PKD2: variants seen among roughly 807,000 people sequenced by gnomAD.
The protein encoded by PKD2 is polycystin 2, transient receptor potential cation channel.
A neutral mutation model predicts 105.9 loss-of-function variants in PKD2; 48 were observed. The observed-to-expected ratio is 0.45, with a 90% confidence interval of 0.36 to 0.58. The LOEUF is 0.58. PKD2 is among the 20% of genes least tolerant of loss of function. PKD2 has a pLI of 0.00. For missense variants in PKD2, 1,078 were observed against 1,255.3 expected (o/e 0.86, Z 2.13); for synonymous variants, 464 against 481.1 (o/e 0.96, Z 0.46).
intron 12 of PKD2, among the ~76,000 whole-genome samples, chr4:88,066,762 T>C (rs1720811958): frequency 6.6e-6 from 1 of 151,426 alleles, no homozygotes; most frequent in Non-Finnish European, 1.5e-5. Context: ...AAAAAAAAAT[T>C]CAAAGCTTTA....
chr4:88,024,302 CA>C (rs1437100097), intron 2 of PKD2, among the ~76,000 whole-genome samples: 1 of 151,202 alleles, frequency 6.6e-6, no homozygotes, highest in Non-Finnish European at 1.5e-5. Context: ...ACAAGATATA[CA>C]AAAATTAGCC....
Position 88,007,967 on chromosome 4 carries a change from G to T in PKD2, c.234G>T (p.Pro78=). 6.7e-7 allele frequency: 1 copy of T among 1,498,684 alleles called. No individual in the cohort carries two copies. Among genetic ancestry groups the T allele is most frequent in the Admixed American group, 2.1e-5 (1 of 47,544 alleles). The allele number at this position is 1,498,684 out of a possible 1,614,324, so 92.8% of individuals were successfully genotyped here. The change falls in exon 1 of 15, where the codon CCG becomes CCT. Residue 78 remains proline (P), a synonymous_variant. Coordinates refer to ENST00000237596, the MANE Select transcript of PKD2 (RefSeq NM_000297.4). ...PAGAAASPSP[P]LSSCSRQAWS... is the part of the protein sequence containing the mutation. Reference sequence around the variant, plus strand: ...GAGCCGCGGCCTCCCCTTCTCCTCCGCTCTCGTCGTGCTCCCGGCAGGCGT... The same window carrying T: ...GAGCCGCGGCCTCCCCTTCTCCTCCTCTCTCGTCGTGCTCCCGGCAGGCGT...
At chr4:88,028,789 T>C (rs1411226072) in intron 2 of PKD2, among the ~76,000 whole-genome samples, 1 of 152,170 alleles carries the variant, frequency 6.6e-6, no homozygotes, top group Non-Finnish European at 1.5e-5. Context: ...CTTATCACTT[T>C]TGCACCATTT....
In PKD2 at chr4:88,028,030, T is replaced by C. The variant is rs181954784; in HGVS notation, c.710-8190T>C. Among the ~76,000 whole-genome samples, 25 of 152,288 alleles carry C rather than the reference T, an allele frequency of 1.6e-4. No individual in the cohort carries two copies. In the East Asian group the frequency reaches 4.0e-3, roughly 25 times the overall value. On this transcript the variant is annotated intron_variant, in intron 2 of 14. Coordinates refer to ENST00000237596, the MANE Select transcript of PKD2 (RefSeq NM_000297.4). Reference sequence around the variant, plus strand: ...GACTACTACAGAAAGTGTGTAACTTTAAACTCAGTAGTATCCAAAGAAGTA... The same window carrying C: ...GACTACTACAGAAAGTGTGTAACTTCAAACTCAGTAGTATCCAAAGAAGTA...
At position 88,038,404 on chromosome 4, in the gene PKD2, A is replaced by G. The variant is rs753075558; in HGVS notation, c.997A>G (p.Ile333Val). 5.0e-6 allele frequency: 8 copies of G among 1,613,714 alleles called. No individual in the cohort carries two copies. Among genetic ancestry groups the G allele is most frequent in the Non-Finnish European group, 6.8e-6 (8 of 1,179,754 alleles). ...CCGAGTCAGAAATGGATCCTGCTCT[A>G]TCCCCCAGGACTTGAGAGATGAAAT... is the stretch of plus-strand genomic sequence containing the variant. ...QLRVRNGSCS[I>V]PQDLRDEIKE... The change falls in exon 4 of 15, where the codon ATC becomes GTC. Residue 333 changes from isoleucine (I) to valine (V), a missense_variant. Physicochemically the swap from Ile to Val is conservative, Grantham distance 29 (BLOSUM62 3). Coordinates refer to ENST00000237596, the MANE Select transcript of PKD2 (RefSeq NM_000297.4).
intron 10 of PKD2, among the ~76,000 whole-genome samples, chr4:88,065,021 T>G (rs900444094): frequency 6.6e-6 from 1 of 152,196 alleles, no homozygotes; most frequent in Admixed American, 6.5e-5. Flanking sequence ...AATTCATGAT[T>G]CGGGTTTCTT....
chr4:88,067,117 G>A (rs1720822731), intron 12 of PKD2, among the ~76,000 whole-genome samples: 1 of 152,158 alleles, frequency 6.6e-6, no homozygotes, highest in Non-Finnish European at 1.5e-5. Context: ...AAATATGTGA[G>A]TCTGAAATGC....
At chr4:88,074,592 A>T (rs1237750466) in intron 13 of PKD2, among the ~76,000 whole-genome samples, 2 of 152,262 alleles carry the variant, frequency 1.3e-5, no homozygotes, top group African/African-American at 4.8e-5. Context: ...TACATTCTTA[A>T]GACTTCTGAT....
At chr4:88,033,262 A>G (rs1420387490) in intron 2 of PKD2, among the ~76,000 whole-genome samples, 3 of 152,066 alleles carry the variant, frequency 2.0e-5, no homozygotes, top group Non-Finnish European at 4.4e-5. Flanking sequence ...CCCCGTCTCT[A>G]CAAAAAATTT....
At chr4:88,063,531 CAAAA>C (rs202112108) in intron 10 of PKD2, among the ~76,000 whole-genome samples, 9 of 98,112 alleles carry the variant, frequency 9.2e-5, no homozygotes, top group Non-Finnish European at 1.9e-4. Context: ...AACTCCGTCT[CAAAA>C]AAAAAAAAGA....
intron 2 of PKD2, among the ~76,000 whole-genome samples, chr4:88,033,263 C>G (rs1216694063): frequency 6.6e-6 from 1 of 151,914 alleles, no homozygotes; most frequent in African/African-American, 2.4e-5. Flanking sequence ...CCCGTCTCTA[C>G]AAAAAATTTG....
In PKD2 at chr4:88,049,689, GT is replaced by G. The variant is rs1360008708; in HGVS notation, c.1549-2298del. Among the ~76,000 whole-genome samples the G allele has an allele frequency of 2.6e-5, 4 of 152,112 alleles. No homozygotes were observed. The East Asian group carries it at 7.7e-4, about 29-fold the overall frequency. On this transcript the variant is annotated intron_variant, in intron 6 of 14. Coordinates refer to ENST00000237596, the MANE Select transcript of PKD2 (RefSeq NM_000297.4). ...CCAGTGGAAAGACCCAACGCTTTTT[GT>G]TTTATCTAGCCAAAATTTGCTTATG...
Position 88,075,702 on chromosome 4 carries a change from G to T in PKD2, c.*8G>T. The T allele has an allele frequency of 6.3e-7, 1 of 1,577,914 alleles. No individual in the cohort carries two copies. The highest frequency in any genetic ancestry group is 8.7e-7 in the Non-Finnish European group (1 of 1,148,068). ...TCTAATGTCCACGTATGATATGTGT[G>T]TTTCAGTATGTGTGTTTCTAATAAG... On this transcript the variant is annotated 3_prime_UTR_variant, in exon 15 of 15. Coordinates refer to ENST00000237596, the MANE Select transcript of PKD2 (RefSeq NM_000297.4).
At chr4:88,070,593 T>TAGAGAGAGAG (rs1231949190) in intron 13 of PKD2, among the ~76,000 whole-genome samples, 5 of 108,480 alleles carry the variant, frequency 4.6e-5, no homozygotes, top group African/African-American at 1.8e-4. Context: ...TATATATATA[T>TAGAGAGAGAG]ATATATATAG....
chr4:88,050,628 T>C (rs961805690), intron 6 of PKD2, among the ~76,000 whole-genome samples: 11 of 152,168 alleles, frequency 7.2e-5, no homozygotes, highest in African/African-American at 2.2e-4. Context: ...ATTATACCTA[T>C]TGAGAGTTGG....
chr4:88,064,838 G>C (rs1010048902), intron 10 of PKD2, among the ~76,000 whole-genome samples: 11 of 152,112 alleles, frequency 7.2e-5, no homozygotes, highest in Admixed American at 1.3e-4. Flanking sequence ...GCTGCAGTGA[G>C]CCAGAATCAC....
intron 13 of PKD2, among the ~76,000 whole-genome samples, chr4:88,071,424 A>C (rs537832221): frequency 3.3e-5 from 5 of 150,882 alleles, no homozygotes; most frequent in African/African-American, 1.2e-4. Context: ...ATATATTTAT[A>C]ATAGGTACCT....
rs1340523813 is a variant in PKD2, at chr4:88,077,420, A to C, written c.*1726A>C. ...ATTTATGTATATGTACCATGTTGTT[A>C]CATGTAAACAAACTTCAATTTGAAG... On this transcript the variant is annotated 3_prime_UTR_variant, in exon 15 of 15. Transcript: ENST00000237596. The C allele has an allele frequency of 6.6e-6, 1 of 152,634 alleles. No homozygotes were observed. The highest frequency in any genetic ancestry group is 1.5e-5 in the Non-Finnish European group (1 of 68,034). 9.5% of individuals were successfully genotyped at this position (152,634 alleles called of 1,614,324 possible). A position where few individuals can be genotyped will look rare whatever the true frequency, so the allele number is the denominator to read the frequency against.
intron 13 of PKD2, among the ~76,000 whole-genome samples, chr4:88,074,557 G>A (rs533094528): frequency 3.9e-4 from 60 of 152,186 alleles, no homozygotes; most frequent in African/African-American, 1.3e-3. Flanking sequence ...TCTAAAAATG[G>A]AATGTCTAAC....
Sources: gnomAD v4.1 joint callset for allele counts (sites outside exome capture counted in the v4.1 genomes callset) on GRCh38, gnomAD v4.1.1 for gene constraint, MANE v1.5 for transcripts, NCBI Gene and HGNC (gene_info 2026-07-23, HGNC 2026-07-21) for gene names.